The following METTL15 variants were observed in gnomAD, a reference collection of about 807,000 sequenced individuals.
The protein encoded by METTL15 is methyltransferase 15, mitochondrial 12S rRNA N4-cytidine, also known as 12S rRNA N(4)-cytidine methyltransferase METTL15.
A neutral mutation model predicts 38.3 loss-of-function variants in METTL15; 34 were observed. The ratio of observed to expected loss-of-function variants is 0.89; its 90% CI spans 0.68 to 1.18. The LOEUF (loss-of-function observed/expected upper bound fraction) is 1.18, where lower values mean the gene tolerates loss of function less well. METTL15 is among the 50% of genes most tolerant of loss of function. The pLI, the probability that METTL15 is intolerant of heterozygous loss-of-function variation, is 0.00. For missense variants in METTL15, 438 were observed against 498.4 expected (o/e 0.88, Z 1.15); for synonymous variants, 162 against 170.9 (o/e 0.95, Z 0.41).
intron 6 of METTL15, among the ~76,000 whole-genome samples, chr11:28,512,626 G>C (rs1851685227): frequency 6.6e-6 from 1 of 152,230 alleles, no homozygotes; most frequent in South Asian, 2.1e-4. Flanking sequence ...GCCACTCTGA[G>C]TGCAGGGCCT....
chr11:28,470,696 G>A (rs913767129), intron 6 of METTL15, among the ~76,000 whole-genome samples: 3 of 152,084 alleles, frequency 2.0e-5, no homozygotes, highest in African/African-American at 4.8e-5. Context: ...GGAAACTGAA[G>A]TGGTATCTTA....
chr11:28,118,003 G>GT (rs1852049271), intron 3 of METTL15, among the ~76,000 whole-genome samples: 1 of 151,124 alleles, frequency 6.6e-6, no homozygotes, highest in Admixed American at 6.6e-5. Flanking sequence ...ACTTTTTTTT[G>GT]TTTTTTTGTT....
At chr11:28,416,076 CAGA>C (rs1468964606) in intron 5 of METTL15, among the ~76,000 whole-genome samples, 6 of 152,140 alleles carry the variant, frequency 3.9e-5, no homozygotes, top group Non-Finnish European at 8.8e-5. Flanking sequence ...CTGGAAAGTC[CAGA>C]TTGACTTTAC....
At chr11:28,371,817 G>C (rs1458082971) in intron 5 of METTL15, among the ~76,000 whole-genome samples, 1 of 151,958 alleles carries the variant, frequency 6.6e-6, no homozygotes, top group Non-Finnish European at 1.5e-5. Flanking sequence ...ATATACAAAT[G>C]CTACTGATTT....
intron 6 of METTL15, among the ~76,000 whole-genome samples, chr11:28,501,461 T>C (rs1403631744): frequency 6.6e-6 from 1 of 152,200 alleles, no homozygotes; most frequent in Non-Finnish European, 1.5e-5. Context: ...TGGGACAGGA[T>C]GCAGAGGTTA....
intron 5 of METTL15, among the ~76,000 whole-genome samples, chr11:28,390,010 T>C (rs1484972839): frequency 1.3e-5 from 2 of 150,494 alleles, no homozygotes; most frequent in African/African-American, 4.9e-5. Context: ...TCATGTGTCT[T>C]TTGGCTGCAT....
intron 6 of METTL15, among the ~76,000 whole-genome samples, chr11:28,450,224 G>A (rs1227419196): frequency 6.6e-6 from 1 of 152,102 alleles, no homozygotes; most frequent in Non-Finnish European, 1.5e-5. Context: ...CCCTGATTTA[G>A]CATCAAATTA....
chr11:28,309,445 A>G (rs547347462), intron 6 of METTL15, among the ~76,000 whole-genome samples: 44 of 152,234 alleles, frequency 2.9e-4, no homozygotes, highest in Non-Finnish European at 5.1e-4. Context: ...GCCTAATCCT[A>G]TTACCTTTCA....
intron 3 of METTL15, among the ~76,000 whole-genome samples, chr11:28,142,094 T>C (rs1007197755): frequency 9.9e-5 from 15 of 152,130 alleles, no homozygotes; most frequent in Admixed American, 9.8e-4. Flanking sequence ...CAGGACACTT[T>C]TGAGAAACCA....
intron 4 of METTL15, among the ~76,000 whole-genome samples, chr11:28,280,887 TG>T (rs997686942): frequency 4.6e-5 from 7 of 152,132 alleles, no homozygotes; most frequent in Admixed American, 6.5e-5. Flanking sequence ...GAGCCATTTC[TG>T]GGATAAAGTT....
chr11:28,361,637 A>C (rs1850139450), intron 4 of METTL15, among the ~76,000 whole-genome samples: 1 of 152,116 alleles, frequency 6.6e-6, no homozygotes, highest in South Asian at 2.1e-4. Flanking sequence ...TTCTCCTTTT[A>C]ATCACATAAT....
intron 3 of METTL15, among the ~76,000 whole-genome samples, chr11:28,128,367 TAATC>T (rs890543406): frequency 6.6e-5 from 10 of 152,158 alleles, no homozygotes; most frequent in Admixed American, 2.0e-4. Flanking sequence ...AATTTAGCTT[TAATC>T]AATATAATGC....
chr11:28,238,336 G>T (rs1483500945), intron 4 of METTL15, among the ~76,000 whole-genome samples: 1 of 152,200 alleles, frequency 6.6e-6, no homozygotes, highest in Non-Finnish European at 1.5e-5. Flanking sequence ...CAGCCTGGCT[G>T]CCGCCTTGCA....
intron 5 of METTL15, among the ~76,000 whole-genome samples, chr11:28,376,459 T>G (rs1372038563): frequency 1.3e-5 from 2 of 152,190 alleles, no homozygotes; most frequent in African/African-American, 4.8e-5. Context: ...TGGTTTAAAA[T>G]CTGTTTTATC....
intron 3 of METTL15, chr11:28,123,949 T>G: frequency 8.7e-7 from 1 of 1,148,368 alleles, no homozygotes; most frequent in East Asian, 2.9e-5. Context: ...AAGAAGATTA[T>G]TAATAATAAC....
chr11:28,367,943 T>G (rs905474821), intron 5 of METTL15, among the ~76,000 whole-genome samples: 7 of 151,414 alleles, frequency 4.6e-5, no homozygotes, highest in African/African-American at 1.5e-4. Context: ...AAAAATCAAC[T>G]CAAGATGGAT....
At chr11:28,386,399 G>A (rs1189172059) in intron 5 of METTL15, among the ~76,000 whole-genome samples, 3 of 151,514 alleles carry the variant, frequency 2.0e-5, no homozygotes, top group Admixed American at 6.6e-5. Flanking sequence ...CCATGACAAT[G>A]GTAATTAAAA....
intron 3 of METTL15, among the ~76,000 whole-genome samples, chr11:28,177,065 C>G (rs1404432689): frequency 6.6e-6 from 1 of 151,892 alleles, no homozygotes; most frequent in African/African-American, 2.4e-5. Context: ...TGAATAAAAG[C>G]TGAATTCCCA....
At chr11:28,490,704 T>G (rs1251913788) in intron 6 of METTL15, among the ~76,000 whole-genome samples, 2 of 152,060 alleles carry the variant, frequency 1.3e-5, no homozygotes, top group African/African-American at 4.8e-5. Context: ...GCCTATTAAC[T>G]GTAATATATA....
Sources: gnomAD v4.1 joint callset for allele counts (sites outside exome capture counted in the v4.1 genomes callset) on GRCh38, gnomAD v4.1.1 for gene constraint, MANE v1.5 for transcripts, NCBI Gene and HGNC (gene_info 2026-07-23, HGNC 2026-07-21) for gene names.